PAM: variants seen among roughly 807,000 people sequenced by gnomAD.
The protein encoded by PAM is peptidylglycine alpha-amidating monooxygenase.
Under a neutral mutation model 122.1 loss-of-function variants are expected in PAM, and 72 were observed. The ratio of observed to expected loss-of-function variants is 0.59; its 90% confidence interval spans 0.49 to 0.72. The LOEUF (loss-of-function observed/expected upper bound fraction) is 0.72. Among genes scored for constraint, PAM ranks in the 30% least tolerant of loss-of-function variants. The pLI is 0.00. For synonymous variants in PAM, 389 were observed against 404.4 expected (o/e 0.96, Z 0.46); for missense variants, 1,106 against 1,183.7 (o/e 0.93, Z 0.96).
intron 7 of PAM, among the ~76,000 whole-genome samples, chr5:102,930,043 T>A (rs1750936654): frequency 6.6e-6 from 1 of 152,168 alleles, no homozygotes; most frequent in African/African-American, 2.4e-5. Context: ...TTAGAGTGAG[T>A]TCTATGGGAT....
At chr5:102,943,415 A>G (rs2151919531) in intron 7 of PAM, among the ~76,000 whole-genome samples, 1 of 152,312 alleles carries the variant, frequency 6.6e-6, no homozygotes, top group African/African-American at 2.4e-5. Context: ...TTCACCTCCC[A>G]TTAAGAGAAT....
chr5:102,979,702 G>T (rs1012559300), intron 15 of PAM, among the ~76,000 whole-genome samples: 1 of 151,978 alleles, frequency 6.6e-6, no homozygotes, highest in Non-Finnish European at 1.5e-5. Context: ...TCATGTGAAT[G>T]CAACAGTGAT....
intron 1 of PAM, among the ~76,000 whole-genome samples, chr5:102,785,398 G>T (rs911132775): frequency 3.9e-5 from 6 of 152,202 alleles, no homozygotes; most frequent in African/African-American, 1.4e-4. Context: ...TTTTACAAAA[G>T]AACTTTGGTA....
chr5:102,937,471 C>A (rs1028543175), intron 7 of PAM, among the ~76,000 whole-genome samples: 1 of 152,138 alleles, frequency 6.6e-6, no homozygotes, highest in African/African-American at 2.4e-5. Flanking sequence ...TTGAAATGGG[C>A]TGAGAAAGCA....
intron 16 of PAM, among the ~76,000 whole-genome samples, chr5:102,991,456 C>T (rs1401111001): frequency 6.6e-6 from 1 of 152,046 alleles, no homozygotes; most frequent in East Asian, 1.9e-4. Flanking sequence ...TCTTTTCATA[C>T]ATATAACTAT....
intron 1 of PAM, among the ~76,000 whole-genome samples, chr5:102,850,700 C>T (rs565252917): frequency 1.8e-3 from 274 of 152,262 alleles, no homozygotes; most frequent in Non-Finnish European, 2.9e-3. Flanking sequence ...TACTTGACTT[C>T]CCCACCAAGC....
intron 18 of PAM, 63 bp from the exon 19 acceptor site, chr5:103,006,738 A>G: frequency 6.2e-6 from 7 of 1,126,904 alleles, no homozygotes; most frequent in Non-Finnish European, 9.2e-6. Context: ...GGTCTTAGTC[A>G]TGTGGGTGTA....
At chr5:102,922,514 C>T (rs1747787618) in intron 5 of PAM, among the ~76,000 whole-genome samples, 1 of 152,266 alleles carries the variant, frequency 6.6e-6, no homozygotes, top group African/African-American at 2.4e-5. Context: ...ACGTGTTATG[C>T]TACAAGGTTT....
At chr5:102,940,115 T>TACACACACAC (rs66466018) in intron 7 of PAM, among the ~76,000 whole-genome samples, 36 of 134,454 alleles carry the variant, frequency 2.7e-4, no homozygotes, top group African/African-American at 7.8e-4. Flanking sequence ...TATGTATACA[T>TACACACACAC]ACACACACAC....
chr5:102,814,121 G>A (rs1198722807), intron 1 of PAM, among the ~76,000 whole-genome samples: 1 of 152,212 alleles, frequency 6.6e-6, no homozygotes, highest in Non-Finnish European at 1.5e-5. Flanking sequence ...AAGGGTGCAT[G>A]AGGGGATGGC....
At chr5:102,881,042 C>A (rs1790802625) in intron 3 of PAM, among the ~76,000 whole-genome samples, 1 of 151,082 alleles carries the variant, frequency 6.6e-6, no homozygotes. Context: ...AGAAAAATAA[C>A]TGAAATTTAT....
intron 1 of PAM, among the ~76,000 whole-genome samples, chr5:102,822,159 G>A (rs1727570612): frequency 6.6e-6 from 1 of 152,068 alleles, no homozygotes; most frequent in African/African-American, 2.4e-5. Context: ...GATTATGGCC[G>A]GCCCCCTGAG....
intron 17 of PAM, among the ~76,000 whole-genome samples, chr5:103,004,227 A>G (rs1383843574): frequency 2.0e-5 from 3 of 152,198 alleles, no homozygotes; most frequent in Non-Finnish European, 2.9e-5. Context: ...AACCTGTTTC[A>G]TTGGTGCTCT....
At chr5:103,008,137 C>T (rs1456380890) in intron 20 of PAM, among the ~76,000 whole-genome samples, 1 of 151,782 alleles carries the variant, frequency 6.6e-6, no homozygotes, top group South Asian at 2.1e-4. Context: ...GAACTTTTTT[C>T]TCATTTTCAA....
intron 16 of PAM, among the ~76,000 whole-genome samples, chr5:102,999,090 C>T (rs191707838): frequency 6.6e-6 from 1 of 152,280 alleles, no homozygotes; most frequent in Admixed American, 6.5e-5. Flanking sequence ...ACCACCAGAT[C>T]GCATGAGAAC....
In PAM at chr5:102,868,161, C is replaced by T. The variant is rs183833087; in HGVS notation, c.210+768C>T. Among the ~76,000 whole-genome samples the T allele has an allele frequency of 1.5e-3, 224 of 152,322 alleles. 1 individual carries two copies. Among genetic ancestry groups the T allele is most frequent in the African/African-American group, 5.2e-3 (215 of 41,572 alleles). Reference sequence around the variant, plus strand: ...TGTGTCATTAAAAGATAGTCCTCTCCTTTTGAAGGGCTGCAGAGACAGGGA... The same window carrying T: ...TGTGTCATTAAAAGATAGTCCTCTCTTTTTGAAGGGCTGCAGAGACAGGGA... On this transcript the variant is annotated intron_variant, in intron 3 of 25. Coordinates refer to ENST00000438793, the MANE Select transcript of PAM (RefSeq NM_001177306.2).
intron 5 of PAM, among the ~76,000 whole-genome samples, chr5:102,922,324 A>G (rs1747720118): frequency 6.6e-6 from 1 of 152,132 alleles, no homozygotes. Flanking sequence ...CTGAGGAGGA[A>G]GGCTTGAACT....
intron 1 of PAM, among the ~76,000 whole-genome samples, chr5:102,784,357 A>C (rs1376830931): frequency 6.6e-6 from 1 of 152,056 alleles, no homozygotes; most frequent in Non-Finnish European, 1.5e-5. Context: ...TGCGCTTTTC[A>C]GTTTCCCCCC....
intron 23 of PAM, 102 bp from the exon 24 acceptor site, chr5:103,025,029 A>G: frequency 1.3e-6 from 1 of 774,390 alleles, no homozygotes; most frequent in South Asian, 1.7e-5. Flanking sequence ...GGAGTCAACA[A>G]GTTCTTTGTG....
Sources: gnomAD v4.1 joint callset for allele counts (sites outside exome capture counted in the v4.1 genomes callset) on GRCh38, gnomAD v4.1.1 for gene constraint, MANE v1.5 for transcripts, NCBI Gene and HGNC (gene_info 2026-07-23, HGNC 2026-07-21) for gene names.